Variants in LRRC47 observed in about 807,000 individuals in gnomAD.
The protein encoded by LRRC47 is leucine-rich repeat-containing protein 47.
LRRC47 carries 31 observed loss-of-function variants against 40.9 expected under a neutral mutation model. The ratio of observed to expected loss-of-function variants is 0.76; its 90% CI spans 0.57 to 1.02. The LOEUF (loss-of-function observed/expected upper bound fraction) is 1.02, where lower values mean the gene tolerates loss of function less well. Among genes scored for constraint, LRRC47 ranks in the 50% least tolerant of loss-of-function variants. The probability of loss-of-function intolerance (pLI) is 0.00; values close to 1 mark genes in which losing one functional copy is unlikely to be tolerated. For synonymous variants in LRRC47, 427 were observed against 371.9 expected (o/e 1.15, Z -1.70); for missense variants, 726 against 796.1 (o/e 0.91, Z 1.06).
rs1207637003 is a variant in LRRC47 at position 3,781,209 on chromosome 1, C to T, written c.1631G>A (p.Gly544Glu). ...CTGCTCCACCACCAGAAGGGAGGGC[C>T]CGTCCTTTCCAGCACTGGGATTCGT... ...PTTNPSAGKD[G>E]PSLLVVEQVR... The change falls in exon 7 of 7, where the codon GGG becomes GAG. Residue 544 changes from glycine to glutamate, a missense_variant. Gly to Glu is a moderately conservative substitution (Grantham distance 98). Transcript: ENST00000378251. 1 of 1,614,184 alleles carries T rather than the reference C, an allele frequency of 6.2e-7. No individual in the cohort carries two copies. The highest frequency in any genetic ancestry group is 1.3e-5 in the African/African-American group (1 of 75,034).
chr1:3,781,708 A>G, intron 5 of LRRC47, 107 bp from the exon 6 acceptor site: 1 of 879,568 alleles, frequency 1.1e-6, no homozygotes, highest in Non-Finnish European at 1.8e-6. Flanking sequence ...GGCCAGGCAC[A>G]GTGGCTCACA....
intron 1 of LRRC47, among the ~76,000 whole-genome samples, chr1:3,790,335 T>C (rs1643615819): frequency 6.6e-6 from 1 of 152,204 alleles, no homozygotes; most frequent in Non-Finnish European, 1.5e-5. Context: ...GGGTTCACAT[T>C]GAGGCTGAAC....
In LRRC47 at chr1:3,786,863, A is replaced by G. The variant is rs1427617231; in HGVS notation, c.1063T>C (p.Phe355Leu). The G allele has an allele frequency of 3.1e-6, 5 of 1,594,710 alleles. No homozygotes were observed. The highest frequency in any genetic ancestry group is 1.3e-5 in the African/African-American group (1 of 74,454). The change falls in exon 2 of 7, where the codon TTC becomes CTC. Residue 355 changes from phenylalanine (F) to leucine (L), a missense_variant. By Grantham distance (22) the Phe-to-Leu change is conservative. Coordinates refer to ENST00000378251, the MANE Select transcript of LRRC47 (RefSeq NM_020710.3). Reference sequence around the variant, plus strand: ...CGGGCACCCACCTGCGAGGTGAGGAAGCGCTTGAGTGCATTCCCTGGCTGC... The same window carrying G: ...CGGGCACCCACCTGCGAGGTGAGGAGGCGCTTGAGTGCATTCCCTGGCTGC... ...DLQPGNALKR[F>L]LTSQTKLHED...
At chr1:3,787,519 C>T (rs1256720614) in intron 1 of LRRC47, among the ~76,000 whole-genome samples, 1 of 152,170 alleles carries the variant, frequency 6.6e-6, no homozygotes, top group Non-Finnish European at 1.5e-5. Context: ...TCCGAGGAGC[C>T]TCTCCGAGGA....
At chr1:3,788,033 C>T (rs775620364) in intron 1 of LRRC47, among the ~76,000 whole-genome samples, 4 of 152,218 alleles carry the variant, frequency 2.6e-5, no homozygotes, top group African/African-American at 7.2e-5. Flanking sequence ...TTTGGCAAAA[C>T]GTGCAGGTGA....
At chr1:3,785,607 G>A (rs1259300475) in intron 2 of LRRC47, 1 of 152,404 alleles carries the variant, frequency 6.6e-6, no homozygotes, top group Non-Finnish European at 1.5e-5. Flanking sequence ...AGTCACTCTC[G>A]GCCCGCCATG....
At chr1:3,785,862 C>T (rs753984517) in intron 2 of LRRC47, among the ~76,000 whole-genome samples, 1 of 151,276 alleles carries the variant, frequency 6.6e-6, no homozygotes, top group Admixed American at 6.6e-5. Flanking sequence ...ATCAAGGAAC[C>T]CTGATTTTCC....
At chr1:3,788,870 T>C (rs1643601655) in intron 1 of LRRC47, among the ~76,000 whole-genome samples, 2 of 152,108 alleles carry the variant, frequency 1.3e-5, no homozygotes, top group African/African-American at 4.8e-5. Context: ...AATGGGGCAG[T>C]CTAAGCAGCA....
At chr1:3,784,647 C>T (rs1199478645) in intron 3 of LRRC47, among the ~76,000 whole-genome samples, 3 of 152,236 alleles carry the variant, frequency 2.0e-5, no homozygotes, top group Admixed American at 6.5e-5. Context: ...ACCGCAAACG[C>T]GGTCTGTTTC....
intron 1 of LRRC47, 142 bp from the exon 2 acceptor site, chr1:3,787,452 C>G (rs887076767): frequency 9.2e-6 from 7 of 760,170 alleles, no homozygotes; most frequent in Non-Finnish European, 1.4e-5. Flanking sequence ...TGGGGAGCCA[C>G]AAGTCATTCA....
In LRRC47 at chr1:3,787,121, T is replaced by C; in HGVS notation, c.805A>G (p.Lys269Glu). The C allele has an allele frequency of 6.2e-7, 1 of 1,613,726 alleles. No homozygotes were observed. The highest frequency in any genetic ancestry group is 8.5e-7 in the Non-Finnish European group (1 of 1,180,000). The change falls in exon 2 of 7, where the codon AAG (lysine) becomes GAG (glutamate). Residue 269 changes from lysine (K) to glutamate (E), a missense_variant. Transcript: ENST00000378251. ...TTCTCCGAGCCCTCGGCACGGCCCTTGCCCTTCCCGCCACCACGGCCTCCG... is the reference window on the plus strand; with the variant it reads ...TTCTCCGAGCCCTCGGCACGGCCCTCGCCCTTCCCGCCACCACGGCCTCCG... The part of the protein sequence containing the change: ...RVGGRGGGKG[K>E]GRAEGSEKEE...
Position 3,787,253 on chromosome 1 carries a change from G to C in LRRC47, c.673C>G (p.Pro225Ala). The stretch of plus-strand genomic sequence containing the variant: ...CGGAAATTGATCTCCTTGAGCTTGG[G>C]GCAGTCCGCAAGCTCTGCAGGGATC... ...SEIPAELADC[P>A]KLKEINFRGN... Residue 225 changes from proline to alanine, a missense_variant, in exon 2 of 7, where the codon CCC becomes GCC. Coordinates refer to ENST00000378251, the MANE Select transcript of LRRC47 (RefSeq NM_020710.3). 1 of 1,613,504 alleles carries C rather than the reference G, an allele frequency of 6.2e-7. No individual in the cohort carries two copies. The highest frequency in any genetic ancestry group is 8.5e-7 in the Non-Finnish European group (1 of 1,180,044).
Position 3,781,502 on chromosome 1 carries a change from C to A in LRRC47, c.1503+10G>T. 6.2e-7 allele frequency: 1 copy of A among 1,612,686 alleles called. No individual in the cohort carries two copies. Among genetic ancestry groups the A allele is most frequent in the Non-Finnish European group, 8.5e-7 (1 of 1,179,008 alleles). On this transcript the variant is annotated intron_variant, in intron 6 of 6. Coordinates refer to ENST00000378251, the MANE Select transcript of LRRC47 (RefSeq NM_020710.3). ...AAAGCGTTTCTCAGGAGGAGCCACC[C>A]CACACTCACCAGAATGAGGGCATCC...
chr1:3,784,084 T>C lies in LRRC47; in HGVS notation c.1222A>G (p.Lys408Glu). The C allele has an allele frequency of 6.2e-7, 1 of 1,612,868 alleles. No individual in the cohort carries two copies. The highest frequency in any genetic ancestry group is 1.1e-5 in the South Asian group (1 of 90,808). The change falls in exon 4 of 7, where the codon AAG (lysine) becomes GAG (glutamate). Residue 408 changes from lysine (K) to glutamate (E), a missense_variant. By Grantham distance (56) the Lys-to-Glu change is moderately conservative. Transcript: ENST00000378251. ...KIVPLGRKEA[K>E]AKELVRQLQL... ...AGCTGCCGCACCAGCTCCTTGGCCT[T>C]GGCTTCTTTCCGCCCCAAGGGGACA...
chr1:3,779,690 C>T lies in LRRC47; in HGVS notation c.*1398G>A, dbSNP rs1643500296. 6.6e-6 allele frequency: 1 copy of T among 152,230 alleles called. No homozygotes were observed. The highest frequency in any genetic ancestry group is 6.5e-5 in the Admixed American group (1 of 15,282). 9.4% of individuals were successfully genotyped at this position (152,230 alleles called of 1,614,324 possible). A position where few individuals can be genotyped will look rare whatever the true frequency, so the allele number is the denominator to read the frequency against. ...TTGCTACCATCTGTCCCTCGGCTGG[C>T]TGAGGACTGCCGATGCTTCCCAAGC... is the stretch of plus-strand genomic sequence containing the variant. On this transcript the variant is annotated 3_prime_UTR_variant, in exon 7 of 7. Transcript: ENST00000378251.
chr1:3,789,503 G>A (rs1400940622), intron 1 of LRRC47, among the ~76,000 whole-genome samples: 3 of 152,274 alleles, frequency 2.0e-5, no homozygotes, highest in African/African-American at 4.8e-5. Flanking sequence ...CGAAGGAGGC[G>A]GGCGGGGCCC....
rs748421613 is a variant in LRRC47 at position 3,790,405 on chromosome 1, C to CTA, written c.616-3097_616-3096dup. Among the ~76,000 whole-genome samples, 9 of 152,320 alleles carry CTA rather than the reference C, an allele frequency of 5.9e-5. No homozygotes were observed. The East Asian group carries it at 1.7e-3, about 29-fold the overall frequency. ...CCCAGGGCCTGAAAGGATGTCTTTA[C>CTA]TAAGGCACCGTCCTGCCCACATCAG... On this transcript the variant is annotated intron_variant, in intron 1 of 6. Coordinates refer to ENST00000378251, the MANE Select transcript of LRRC47 (RefSeq NM_020710.3).
chr1:3,787,524 CGAG>C (rs1451267044), intron 1 of LRRC47, among the ~76,000 whole-genome samples: 3 of 152,106 alleles, frequency 2.0e-5, no homozygotes, highest in African/African-American at 4.8e-5. Context: ...GGAGCCTCTC[CGAG>C]GAGAAGGCGT....
Position 3,796,081 on chromosome 1 carries a change from C to T in LRRC47, c.396G>A (p.Gln132=). 1.3e-6 allele frequency: 2 copies of T among 1,502,144 alleles called. No homozygotes were observed. Among genetic ancestry groups the T allele is most frequent in the Non-Finnish European group, 1.8e-6 (2 of 1,131,692 alleles). 93.1% of individuals were successfully genotyped at this position (1,502,144 alleles called of 1,614,324 possible). ...GCCGGTTGCCGCTGAGGTTGAGGCT[C>T]TGCAGCTGCGGAAGGCCCGGCGGCT... ...PAEPPGLPQL[Q]SLNLSGNRLR... The change falls in exon 1 of 7, where the codon CAG becomes CAA. Residue 132 remains glutamine (Q), a synonymous_variant. Coordinates refer to ENST00000378251, the MANE Select transcript of LRRC47 (RefSeq NM_020710.3).
Sources: allele counts gnomAD v4.1 joint callset (sites outside exome capture counted in the v4.1 genomes callset), GRCh38; gene constraint gnomAD v4.1.1; transcripts MANE v1.5; gene names NCBI Gene and HGNC (gene_info 2026-07-23, HGNC 2026-07-21).